Variants in FGF12 observed in about 807,000 individuals in gnomAD.
FGF12 encodes the protein fibroblast growth factor 12B.
FGF12 carries 14 observed loss-of-function variants against 23.6 expected under a neutral mutation model. That is an observed-to-expected ratio of 0.59 (90% CI 0.39 to 0.93). The LOEUF is 0.93. Among genes scored for constraint, FGF12 ranks in the 40% least tolerant of loss-of-function variants. FGF12 has a pLI of 0.00. For missense variants in FGF12, 175 were observed against 217.8 expected, an observed-to-expected ratio of 0.80 and a Z score of 1.24; for synonymous variants, 62 against 77.3, an observed-to-expected ratio of 0.80 and a Z score of 1.04.
chr3:192,633,288 C>G (rs1272813110), intron 2 of FGF12, among the ~76,000 whole-genome samples: 1 of 152,024 alleles, frequency 6.6e-6, no homozygotes, highest in African/African-American at 2.4e-5. Context: ...TCAAGTGATC[C>G]GCCTGCCTCT....
chr3:192,684,151 G>T (rs1006068934), intron 2 of FGF12, among the ~76,000 whole-genome samples: 1 of 152,134 alleles, frequency 6.6e-6, no homozygotes, highest in Non-Finnish European at 1.5e-5. Flanking sequence ...CCATTAACCT[G>T]CATGGTTCAA....
intron 2 of FGF12, among the ~76,000 whole-genome samples, chr3:192,592,264 G>T (rs1190833503): frequency 1.3e-5 from 2 of 151,720 alleles, no homozygotes; most frequent in Non-Finnish European, 2.9e-5. Context: ...CCTCCTTTTT[G>T]GGAGAAGAGA....
chr3:192,455,205 C>T (rs1303983725), intron 2 of FGF12, among the ~76,000 whole-genome samples: 1 of 152,082 alleles, frequency 6.6e-6, no homozygotes, highest in Admixed American at 6.6e-5. Flanking sequence ...AAAATGCAGA[C>T]ATAGAAACTC....
intron 4 of FGF12, among the ~76,000 whole-genome samples, chr3:192,285,479 T>C (rs1018380823): frequency 6.6e-6 from 1 of 152,128 alleles, no homozygotes; most frequent in Non-Finnish European, 1.5e-5. Context: ...ATCATTCATA[T>C]AGTTTGCTCC....
chr3:192,240,120 T>C (rs915038412), intron 4 of FGF12, among the ~76,000 whole-genome samples: 1 of 152,176 alleles, frequency 6.6e-6, no homozygotes, highest in Admixed American at 6.5e-5. Context: ...CTTATGGTAA[T>C]CCATTAGTAT....
intron 2 of FGF12, among the ~76,000 whole-genome samples, chr3:192,703,794 G>T (rs1718378942): frequency 6.6e-6 from 1 of 152,192 alleles, no homozygotes; most frequent in Non-Finnish European, 1.5e-5. Flanking sequence ...TAGTGAGAGA[G>T]TTCTCAGGAG....
intron 4 of FGF12, among the ~76,000 whole-genome samples, chr3:192,327,950 C>T (rs185337578): frequency 3.3e-5 from 5 of 152,260 alleles, no homozygotes; most frequent in South Asian, 4.1e-4. Flanking sequence ...CTCCTAGATG[C>T]GAATGTCAAG....
intron 4 of FGF12, among the ~76,000 whole-genome samples, chr3:192,241,795 TG>T (rs1382741956): frequency 6.6e-6 from 1 of 152,200 alleles, no homozygotes; most frequent in African/African-American, 2.4e-5. Flanking sequence ...GAACATTGCC[TG>T]GCTCATGACT....
intron 2 of FGF12, among the ~76,000 whole-genome samples, chr3:192,452,918 C>T (rs996440449): frequency 3.3e-5 from 5 of 152,156 alleles, no homozygotes; most frequent in Non-Finnish European, 5.9e-5. Context: ...ATTGTATATA[C>T]ATGCATATTT....
chr3:192,165,822 G>C (rs904810574), intron 5 of FGF12, among the ~76,000 whole-genome samples: 3 of 152,156 alleles, frequency 2.0e-5, no homozygotes, highest in African/African-American at 7.2e-5. Context: ...ATAGTACAGA[G>C]GTTACGTGAC....
At chr3:192,391,305 G>C (rs1720283837) in intron 2 of FGF12, among the ~76,000 whole-genome samples, 1 of 152,138 alleles carries the variant, frequency 6.6e-6, no homozygotes, top group South Asian at 2.1e-4. Context: ...AAAAGTGCCT[G>C]AATCAGTTCA....
At chr3:192,717,675 G>A (rs779817007) in intron 2 of FGF12, among the ~76,000 whole-genome samples, 6 of 152,138 alleles carry the variant, frequency 3.9e-5, no homozygotes, top group South Asian at 2.1e-4. Flanking sequence ...TAATTCAATC[G>A]TCATTATCCA....
intron 2 of FGF12, among the ~76,000 whole-genome samples, chr3:192,582,336 C>G (rs547886867): frequency 1.3e-5 from 2 of 152,194 alleles, no homozygotes; most frequent in South Asian, 4.1e-4. Flanking sequence ...AGTTGTTAGC[C>G]TATAAAGGAG....
At chr3:192,681,725 T>C (rs1717533688) in intron 2 of FGF12, among the ~76,000 whole-genome samples, 1 of 150,560 alleles carries the variant, frequency 6.6e-6, no homozygotes, top group Non-Finnish European at 1.5e-5. Context: ...ATCTTTATTC[T>C]TGCTTTACAG....
chr3:192,477,556 T>C (rs545951044), intron 2 of FGF12, among the ~76,000 whole-genome samples: 8 of 152,352 alleles, frequency 5.3e-5, no homozygotes, highest in African/African-American at 1.9e-4. Context: ...ATTGTATAAC[T>C]ATATTTATTT....
intron 2 of FGF12, among the ~76,000 whole-genome samples, chr3:192,396,199 A>G (rs542916562): frequency 6.6e-6 from 1 of 152,240 alleles, no homozygotes; most frequent in South Asian, 2.1e-4. Flanking sequence ...CAGCAAAACT[A>G]TAACTTGGAA....
rs1352204149 is a variant in FGF12, at chr3:192,409,240, A to C, written c.14-48702T>G. 6.6e-6 allele frequency among the ~76,000 whole-genome samples: 1 copy of C among 152,126 alleles called. No individual in the cohort carries two copies. The highest frequency in any genetic ancestry group is 1.5e-5 in the Non-Finnish European group (1 of 68,008). On this transcript the variant is annotated intron_variant, in intron 2 of 5. Coordinates refer to ENST00000445105, the MANE Select transcript of FGF12 (RefSeq NM_004113.6). This position sits in a 1 kb window ranked among gnomAD's most constrained non-coding sequence, Gnocchi z 4.8. ...GTTGGTGATTATTTAGGGAATCCTAAATCTGGAATGACTCAGTAGTTTAAA... is the reference window on the plus strand; with the variant it reads ...GTTGGTGATTATTTAGGGAATCCTACATCTGGAATGACTCAGTAGTTTAAA...
Position 192,614,179 on chromosome 3 carries a change from CT to C in FGF12, c.13+113001del, listed in dbSNP as rs913684011. Among the ~76,000 whole-genome samples, 929 of 150,782 alleles carry C rather than the reference CT, an allele frequency of 6.2e-3. 6 individuals carry two copies. The highest frequency in any genetic ancestry group is 0.018 in the African/African-American group (741 of 41,150). On this transcript the variant is annotated intron_variant, in intron 2 of 5. Transcript: ENST00000445105. Reference sequence around the variant, plus strand: ...CATTTTATTTCTAAATTTTTATTTCCTTTTTTTTTCCTTTAATTGCATTTAC... The same window carrying C: ...CATTTTATTTCTAAATTTTTATTTCCTTTTTTTTCCTTTAATTGCATTTAC...
At chr3:192,608,751 T>C (rs532283447) in intron 2 of FGF12, among the ~76,000 whole-genome samples, 25 of 152,288 alleles carry the variant, frequency 1.6e-4, no homozygotes, top group Middle Eastern at 3.4e-3. Context: ...GGTTAAATAA[T>C]TCAGCCCTCT....
Sources: gnomAD v4.1 joint callset for allele counts (sites outside exome capture counted in the v4.1 genomes callset) on GRCh38, gnomAD v4.1.1 for gene constraint, Gnocchi (gnomAD v3.1) non-coding constraint, MANE v1.5 for transcripts, NCBI Gene and HGNC (gene_info 2026-07-23, HGNC 2026-07-21) for gene names.